The following RNF111 variants were observed in gnomAD, a reference collection of about 807,000 sequenced individuals.
The protein encoded by RNF111 is E3 ubiquitin-protein ligase Arkadia.
Under a neutral mutation model 95.1 loss-of-function variants are expected in RNF111, and 17 were observed. The ratio of observed to expected loss-of-function variants is 0.18; its 90% confidence interval spans 0.12 to 0.27. The LOEUF is 0.27. Ranked by LOEUF, RNF111 falls within the 10% of genes least tolerant of loss-of-function variation. RNF111 has a pLI of 1.00. For missense variants in RNF111, 1,189 were observed against 1,210.4 expected (o/e 0.98, Z 0.26); for synonymous variants, 440 against 414.8 (o/e 1.06, Z -0.74).
chr15:59,036,615 G>C (rs1427266705), intron 2 of RNF111, among the ~76,000 whole-genome samples: 3 of 152,146 alleles, frequency 2.0e-5, no homozygotes, highest in Non-Finnish European at 4.4e-5. Flanking sequence ...CCCCACCCTT[G>C]GCATGTGGGC....
Position 59,081,181 on chromosome 15 carries a change from T to A in RNF111, c.2194T>A (p.Ser732Thr), listed in dbSNP as rs750091593. ...QHLPPTHQPI[S>T]HHIPATAPPA... The stretch of plus-strand genomic sequence containing the variant: ...TCTTCCTCCTACACACCAGCCAATT[T>A]CGCACCATATTCCAGCCACAGCACC... Residue 732 changes from serine (S) to threonine (T), a missense_variant, in exon 8 of 14, where the codon TCG (serine) becomes ACG (threonine). Around this residue, in one of 2 missense-constraint regions of RNF111, gnomAD observed 1,024 missense variants for 925.9 expected, o/e 1.11. Coordinates refer to ENST00000348370, the MANE Select transcript of RNF111 (RefSeq NM_017610.8). 2.5e-6 allele frequency: 4 copies of A among 1,614,162 alleles called. No individual in the cohort carries two copies. The East Asian group carries it at 6.7e-5, about 27-fold the overall frequency.
intron 2 of RNF111, among the ~76,000 whole-genome samples, chr15:59,040,940 A>G (rs888414823): frequency 4.8e-4 from 73 of 152,304 alleles, no homozygotes; most frequent in African/African-American, 1.5e-3. Flanking sequence ...AAACTTTAAA[A>G]CAAGATATAC....
intron 1 of RNF111, among the ~76,000 whole-genome samples, chr15:58,992,158 CG>C (rs1567193610): frequency 1.3e-5 from 2 of 152,108 alleles, no homozygotes; most frequent in Non-Finnish European, 2.9e-5. Context: ...AATTCTTCTG[CG>C]TCAGTCTCCT....
At position 59,091,052 on chromosome 15, in the gene RNF111, CT is replaced by C. The variant is rs776557675; in HGVS notation, c.2644-4del. The C allele has an allele frequency of 1.2e-5, 19 of 1,576,168 alleles. No individual in the cohort carries two copies. The highest frequency in any genetic ancestry group is 1.3e-5 in the African/African-American group (1 of 74,092). Reference sequence around the variant, plus strand: ...CTTTTACCAGTCATTATATTCTTCACTTTCAGGAACTGATTCATTTGGAAGA... The same window carrying C: ...CTTTTACCAGTCATTATATTCTTCACTTCAGGAACTGATTCATTTGGAAGA... On this transcript the variant is annotated splice_polypyrimidine_tract_variant and splice_region_variant and intron_variant, in intron 11 of 13. Transcript: ENST00000348370.
In RNF111 at chr15:59,031,158, C is replaced by T. The variant is rs1418242695; in HGVS notation, c.336C>T (p.Asn112=). Residue 112 remains asparagine, a synonymous_variant, in exon 2 of 14, where the codon AAC becomes AAT. Transcript: ENST00000348370. ...PSYVQNCVKE[N]QGILGLRQHL... is the part of the protein sequence containing the mutation. Reference sequence around the variant, plus strand: ...ATGTGCAGAATTGTGTTAAAGAAAACCAGGGAATATTAGGACTGAGGCAAC... The same window carrying T: ...ATGTGCAGAATTGTGTTAAAGAAAATCAGGGAATATTAGGACTGAGGCAAC... The T allele has an allele frequency of 3.7e-6, 6 of 1,613,914 alleles. No homozygotes were observed. Among genetic ancestry groups the T allele is most frequent in the Non-Finnish European group, 5.1e-6 (6 of 1,179,992 alleles).
At chr15:59,067,537 C>G (rs1439418618) in intron 6 of RNF111, among the ~76,000 whole-genome samples, 3 of 152,078 alleles carry the variant, frequency 2.0e-5, no homozygotes, top group Non-Finnish European at 4.4e-5. Flanking sequence ...CGAAAATGGC[C>G]TAATTTAGTG....
chr15:59,039,495 A>G (rs887449365), intron 2 of RNF111, among the ~76,000 whole-genome samples: 2 of 152,128 alleles, frequency 1.3e-5, no homozygotes, highest in Non-Finnish European at 2.9e-5. Flanking sequence ...GAATGCATGA[A>G]TTTTAGTATA....
chr15:59,060,887 C>T (rs1389868873), intron 5 of RNF111, among the ~76,000 whole-genome samples: 1 of 151,726 alleles, frequency 6.6e-6, no homozygotes, highest in African/African-American at 2.4e-5. Flanking sequence ...CTGCAATCTC[C>T]ACCTCCCAGG....
At chr15:59,028,053 C>A (rs1164627373) in intron 1 of RNF111, among the ~76,000 whole-genome samples, 1 of 152,156 alleles carries the variant, frequency 6.6e-6, no homozygotes, top group Non-Finnish European at 1.5e-5. Flanking sequence ...CCTCGAACTC[C>A]TGACCTCAGG....
intron 1 of RNF111, among the ~76,000 whole-genome samples, chr15:59,022,167 C>G (rs1384787012): frequency 1.3e-5 from 2 of 152,042 alleles, no homozygotes; most frequent in South Asian, 4.1e-4. Context: ...GCCAAGCTTC[C>G]TATAAAATAT....
chr15:59,073,490 A>T (rs1210446320), intron 6 of RNF111, among the ~76,000 whole-genome samples: 1 of 140,206 alleles, frequency 7.1e-6, no homozygotes, highest in Admixed American at 7.5e-5. Context: ...CCAAAAAAAA[A>T]AAAAATAAAT....
intron 1 of RNF111, among the ~76,000 whole-genome samples, chr15:59,027,496 G>T (rs1337749719): frequency 2.0e-5 from 3 of 151,566 alleles, no homozygotes; most frequent in Non-Finnish European, 4.4e-5. Flanking sequence ...AACATTTTCA[G>T]TTCACTGAAA....
intron 1 of RNF111, among the ~76,000 whole-genome samples, chr15:59,029,500 T>G (rs950311705): frequency 1.3e-5 from 2 of 152,236 alleles, no homozygotes; most frequent in Non-Finnish European, 2.9e-5. Context: ...TTGATAGCTT[T>G]CTGTAGGAAT....
rs113318416 is a variant in RNF111 at position 59,050,608 on chromosome 15, G to A, written c.881-1697G>A. ...AAAATATTTTAACTGCATTATTGAG[G>A]TATGATTAGTATACTAAAAGCTGAA... On this transcript the variant is annotated intron_variant, in intron 2 of 13. Transcript: ENST00000348370. 5.9e-5 allele frequency among the ~76,000 whole-genome samples: 9 copies of A among 152,238 alleles called. No individual in the cohort carries two copies. In the East Asian group the frequency reaches 1.7e-3, roughly 29 times the overall value.
rs1411851055 is a variant in RNF111 at position 59,096,832 on chromosome 15, G to A, written c.*1932G>A. 6.6e-6 allele frequency: 1 copy of A among 152,204 alleles called. No individual in the cohort carries two copies. The highest frequency in any genetic ancestry group is 1.5e-5 in the Non-Finnish European group (1 of 68,034). 9.4% of individuals were successfully genotyped at this position (152,204 alleles called of 1,614,324 possible). On this transcript the variant is annotated 3_prime_UTR_variant, in exon 14 of 14. Transcript: ENST00000348370. ...GGAATACCCCGGGTCTGTGCCAAGG[G>A]ACTGAAGAAGTGTAAGATGGGGAGA...
chr15:59,068,223 AAACAAC>A (rs1194336188), intron 6 of RNF111, among the ~76,000 whole-genome samples: 1 of 151,040 alleles, frequency 6.6e-6, no homozygotes, highest in African/African-American at 2.4e-5. Flanking sequence ...CTGTCTCAAA[AAACAAC>A]AACAACAACA....
chr15:58,998,064 C>T (rs567735579), intron 1 of RNF111, among the ~76,000 whole-genome samples: 2 of 151,358 alleles, frequency 1.3e-5, no homozygotes, highest in Non-Finnish European at 2.9e-5. Flanking sequence ...GCCACCACAC[C>T]CGGCTAATTT....
In RNF111 at chr15:59,031,088, T is replaced by G; in HGVS notation, c.266T>G (p.Leu89Arg). ...AACCAGCAAGAACAAGAAAAAAGTC[T>G]CGTTGTGAGGAAAAAACGCAAAAGC... Reference protein sequence around the residue: ...NGNQQEQEKSLVVRKKRKSQQ... With the variant: ...NGNQQEQEKSRVVRKKRKSQQ... Residue 89 changes from leucine (L) to arginine (R), a missense_variant, in exon 2 of 14, where the codon CTC becomes CGC. Physicochemically the swap from Leu to Arg is moderately radical, Grantham distance 102. Transcript: ENST00000348370. 1.2e-6 allele frequency: 2 copies of G among 1,614,236 alleles called. No individual in the cohort carries two copies. Among genetic ancestry groups the G allele is most frequent in the Non-Finnish European group, 1.7e-6 (2 of 1,180,046 alleles).
chr15:59,085,212 C>G (rs557873171), intron 9 of RNF111, among the ~76,000 whole-genome samples: 1 of 152,300 alleles, frequency 6.6e-6, no homozygotes, highest in South Asian at 2.1e-4. Context: ...GTTTGCCCTT[C>G]TTTTATAAGG....
Sources: gnomAD v4.1 joint callset for allele counts (sites outside exome capture counted in the v4.1 genomes callset) on GRCh38, gnomAD v4.1.1 for gene constraint, gnomAD v4.1.1 regional missense constraint, MANE v1.5 for transcripts, NCBI Gene and HGNC (gene_info 2026-07-23, HGNC 2026-07-21) for gene names.